CTNNA2: variants seen among roughly 807,000 people sequenced by gnomAD.
CTNNA2 encodes the protein catenin alpha-2.
In CTNNA2, 42 loss-of-function variants were observed where a neutral mutation model predicts 101.0. The observed-to-expected ratio is 0.42, with a 90% confidence interval of 0.32 to 0.54. The LOEUF is 0.54. CTNNA2 is among the 20% of genes least tolerant of loss of function. CTNNA2 has a pLI of 0.14. For synonymous variants in CTNNA2, 450 were observed against 456.4 expected (o/e 0.99, Z 0.18); for missense variants, 871 against 1,223.1 (o/e 0.71, Z 4.29).
intron 2 of CTNNA2, among the ~76,000 whole-genome samples, chr2:79,248,937 AAC>A (rs1674732749): frequency 1.3e-5 from 2 of 152,130 alleles, no homozygotes; most frequent in Non-Finnish European, 2.9e-5. Flanking sequence ...TCAGTTTTTC[AAC>A]ACAGAGTTAC....
At chr2:80,110,978 G>T (rs191040793) in intron 7 of CTNNA2, among the ~76,000 whole-genome samples, 1 of 152,262 alleles carries the variant, frequency 6.6e-6, no homozygotes, top group East Asian at 1.9e-4. Context: ...GGAAACTTAT[G>T]ATCGTGGTGG....
intron 3 of CTNNA2, among the ~76,000 whole-genome samples, chr2:79,344,546 T>G (rs1677211770): frequency 6.6e-6 from 1 of 152,122 alleles, no homozygotes; most frequent in African/African-American, 2.4e-5. Flanking sequence ...AATGAGGTTC[T>G]TATGAGTTAA....
chr2:79,864,649 A>G (rs1344963153), intron 4 of CTNNA2, among the ~76,000 whole-genome samples: 2 of 152,226 alleles, frequency 1.3e-5, no homozygotes, highest in African/African-American at 4.8e-5. Context: ...AAAAAGAGGT[A>G]GATTTTACAG....
At chr2:79,553,566 G>A (rs1372956128) in intron 1 of CTNNA2, among the ~76,000 whole-genome samples, 1 of 152,168 alleles carries the variant, frequency 6.6e-6, no homozygotes, top group East Asian at 1.9e-4. Flanking sequence ...GGCTGGAGGG[G>A]CCTCAAGAAA....
At chr2:80,143,804 T>G (rs548372026) in intron 7 of CTNNA2, among the ~76,000 whole-genome samples, 1 of 152,154 alleles carries the variant, frequency 6.6e-6, no homozygotes, top group Non-Finnish European at 1.5e-5. Context: ...TGCCAAATAC[T>G]TGAGTGGAAA....
chr2:79,386,853 G>A (rs1308467678), intron 4 of CTNNA2, among the ~76,000 whole-genome samples: 1 of 152,188 alleles, frequency 6.6e-6, no homozygotes, highest in African/African-American at 2.4e-5. Flanking sequence ...TTAACAGGCA[G>A]CAGAATCTTC....
intron 7 of CTNNA2, among the ~76,000 whole-genome samples, chr2:80,182,757 TG>T (rs1705861599): frequency 6.6e-6 from 1 of 152,188 alleles, no homozygotes; most frequent in Non-Finnish European, 1.5e-5. Context: ...AAGCCAGCTA[TG>T]TGCAGTTGAG....
Position 80,045,022 on chromosome 2 carries a change from C to T in CTNNA2, c.1056+135225C>T, listed in dbSNP as rs149292995. Among the ~76,000 whole-genome samples, 362 of 152,256 alleles carry T rather than the reference C, an allele frequency of 2.4e-3. 1 individual carries two copies. Among genetic ancestry groups the T allele is most frequent in the Non-Finnish European group, 3.7e-3 (251 of 68,028 alleles). ...CTCGGTTGCATGAGGGTTTATTTGGCGGCTGAACGCTCAACCAGGATGTTG... is the reference window on the plus strand; with the variant it reads ...CTCGGTTGCATGAGGGTTTATTTGGTGGCTGAACGCTCAACCAGGATGTTG... On this transcript the variant is annotated intron_variant, in intron 7 of 18. Transcript: ENST00000402739.
intron 13 of CTNNA2, among the ~76,000 whole-genome samples, chr2:80,576,032 C>T (rs1396353682): frequency 2.0e-5 from 3 of 152,144 alleles, no homozygotes; most frequent in Non-Finnish European, 4.4e-5. Context: ...ATTGAGTCTA[C>T]TTTAAAAAAT....
intron 3 of CTNNA2, among the ~76,000 whole-genome samples, chr2:79,756,156 C>G (rs568049991): frequency 6.6e-6 from 1 of 152,248 alleles, no homozygotes; most frequent in East Asian, 1.9e-4. Context: ...CCTGACCTCT[C>G]TTTCTGGAAC....
intron 7 of CTNNA2, among the ~76,000 whole-genome samples, chr2:80,283,574 A>G: frequency 6.6e-6 from 1 of 152,136 alleles, no homozygotes; most frequent in Non-Finnish European, 1.5e-5. Flanking sequence ...TTAAGTTTTC[A>G]GTGAGTATTG....
At chr2:80,410,149 C>T (rs1053500951) in intron 8 of CTNNA2, among the ~76,000 whole-genome samples, 5 of 152,122 alleles carry the variant, frequency 3.3e-5, no homozygotes, top group African/African-American at 1.2e-4. Flanking sequence ...AATACTTTTG[C>T]AGTATTAGAT....
chr2:79,820,271 C>T (rs975465172), intron 3 of CTNNA2, among the ~76,000 whole-genome samples: 7 of 152,108 alleles, frequency 4.6e-5, no homozygotes, highest in African/African-American at 1.7e-4. Context: ...TCTATTAATT[C>T]TCTGGAAAAT....
At chr2:79,294,622 A>C (rs1463951503) in intron 2 of CTNNA2, among the ~76,000 whole-genome samples, 2 of 152,182 alleles carry the variant, frequency 1.3e-5, no homozygotes, top group Non-Finnish European at 2.9e-5. Flanking sequence ...TTAAAATATA[A>C]GTGGTGTCTA....
intron 17 of CTNNA2, among the ~76,000 whole-genome samples, chr2:80,614,723 T>A (rs1698712211): frequency 6.6e-6 from 1 of 151,486 alleles, no homozygotes; most frequent in Non-Finnish European, 1.5e-5. Flanking sequence ...TATTATTGCT[T>A]TGAGAAGTGT....
chr2:80,214,079 C>T (rs562387195), intron 7 of CTNNA2, among the ~76,000 whole-genome samples: 2 of 152,280 alleles, frequency 1.3e-5, no homozygotes, highest in East Asian at 3.9e-4. Context: ...AGATCTTCCT[C>T]CATCCCTTTG....
chr2:79,506,494 G>A (rs1025335363), intron 5 of CTNNA2, among the ~76,000 whole-genome samples: 4 of 152,160 alleles, frequency 2.6e-5, no homozygotes, highest in African/African-American at 9.6e-5. Flanking sequence ...CCAACTCTAT[G>A]ACATGGTACA....
chr2:80,105,443 G>A (rs1237900529), intron 7 of CTNNA2, among the ~76,000 whole-genome samples: 1 of 152,204 alleles, frequency 6.6e-6, no homozygotes, highest in East Asian at 1.9e-4. Context: ...ACTTAACTTG[G>A]CTGAGTGCAG....
chr2:80,081,063 G>A (rs772867640), intron 7 of CTNNA2, among the ~76,000 whole-genome samples: 202 of 148,128 alleles, frequency 1.4e-3, no homozygotes, highest in Non-Finnish European at 2.3e-3. Context: ...AAGCAAGGAA[G>A]CAATAAAAAC....
Sources: gnomAD v4.1 joint callset for allele counts (sites outside exome capture counted in the v4.1 genomes callset) on GRCh38, gnomAD v4.1.1 for gene constraint, MANE v1.5 for transcripts, NCBI Gene and HGNC (gene_info 2026-07-23, HGNC 2026-07-21) for gene names.